CDCA2: variants seen among roughly 807,000 people sequenced by gnomAD.
The protein encoded by CDCA2 is cell division cycle-associated protein 2.
In CDCA2, 44 loss-of-function variants were observed where a neutral mutation model predicts 67.0. The observed-to-expected ratio is 0.66, with a 90% confidence interval of 0.52 to 0.84. The LOEUF (loss-of-function observed/expected upper bound fraction) is 0.84. Among genes scored for constraint, CDCA2 ranks in the 40% least tolerant of loss-of-function variants. The probability of loss-of-function intolerance (pLI) is 0.00; values close to 1 mark genes in which losing one functional copy is unlikely to be tolerated. For synonymous variants in CDCA2, 447 were observed against 418.7 expected (o/e 1.07, Z -0.82); for missense variants, 1,253 against 1,203.2 (o/e 1.04, Z -0.61).
intron 5 of CDCA2, among the ~76,000 whole-genome samples, chr8:25,467,261 A>C (rs1409583666): frequency 6.6e-6 from 1 of 152,076 alleles, no homozygotes; most frequent in Non-Finnish European, 1.5e-5. Flanking sequence ...TTACACACTA[A>C]GGTTTCAAAT....
At chr8:25,464,130 C>T (rs1395420071) in intron 4 of CDCA2, among the ~76,000 whole-genome samples, 1 of 152,112 alleles carries the variant, frequency 6.6e-6, no homozygotes, top group African/African-American at 2.4e-5. Context: ...CGGTAATTTC[C>T]CTGGCTGGGT....
chr8:25,504,258 T>C (rs899107916), intron 14 of CDCA2, among the ~76,000 whole-genome samples: 45 of 152,022 alleles, frequency 3.0e-4, no homozygotes, highest in African/African-American at 1.1e-3. Context: ...AAATTTTAAA[T>C]GGACTGAATC....
intron 13 of CDCA2, among the ~76,000 whole-genome samples, chr8:25,489,036 ACTT>A (rs1479366292): frequency 6.6e-6 from 1 of 151,956 alleles, no homozygotes; most frequent in Non-Finnish European, 1.5e-5. Context: ...GCCGCTTGCT[ACTT>A]CTTAGATTCT....
At position 25,483,959 on chromosome 8, in the gene CDCA2, A is replaced by C. The variant is rs917237541; in HGVS notation, c.1121-7A>C. 6.2e-7 allele frequency: 1 copy of C among 1,609,686 alleles called. No homozygotes were observed. On this transcript the variant is annotated splice_region_variant and splice_polypyrimidine_tract_variant and intron_variant, in intron 9 of 14. Transcript: ENST00000330560. The stretch of plus-strand genomic sequence containing the variant: ...TTAAGTTACTCTCATTTATTGTCTA[A>C]TTATAGAAGATGAAGAAAATTTTGA...
At chr8:25,460,628 G>A in intron 3 of CDCA2, 74 bp downstream of exon 3, 3 of 1,456,352 alleles carry the variant, frequency 2.1e-6, no homozygotes. Flanking sequence ...AGCTTTATTT[G>A]TTTATACGTA....
chr8:25,461,166 T>TAA (rs1420562059), intron 3 of CDCA2, among the ~76,000 whole-genome samples: 1 of 151,000 alleles, frequency 6.6e-6, no homozygotes, highest in African/African-American at 2.4e-5. Flanking sequence ...ACTCAGGAGT[T>TAA]TGAGGCAGGA....
chr8:25,507,498 C>A lies in CDCA2; in HGVS notation c.2832C>A (p.Ser944=). The A allele has an allele frequency of 6.2e-7, 1 of 1,613,780 alleles. No individual in the cohort carries two copies. Among genetic ancestry groups the A allele is most frequent in the East Asian group, 2.2e-5 (1 of 44,890 alleles). The change falls in exon 15 of 15, where the codon TCC becomes TCA. Residue 944 remains serine (S), a synonymous_variant. Coordinates refer to ENST00000330560, the MANE Select transcript of CDCA2 (RefSeq NM_152562.4). ...CTCCCATAAAAGAAACTGTGTCCTC[C>A]AGACAAAAACCGCAGATGGCACCTC... ...SMSPIKETVS[S]RQKPQMAPPV...
intron 13 of CDCA2, among the ~76,000 whole-genome samples, chr8:25,494,692 C>T (rs1473498337): frequency 6.6e-6 from 1 of 152,154 alleles, no homozygotes; most frequent in Admixed American, 6.5e-5. Context: ...AATTGTGTCC[C>T]TTCCCAAATT....
At chr8:25,504,961 A>T (rs1339299689) in intron 14 of CDCA2, among the ~76,000 whole-genome samples, 1 of 152,234 alleles carries the variant, frequency 6.6e-6, no homozygotes, top group African/African-American at 2.4e-5. Flanking sequence ...AGATGATTAA[A>T]CAGTGACTGT....
chr8:25,460,590 A>C, intron 3 of CDCA2, 36 bp downstream of exon 3: 1 of 1,575,882 alleles, frequency 6.3e-7, no homozygotes, highest in Non-Finnish European at 8.6e-7. Context: ...AATGCTTTTC[A>C]AGTTTAAAAA....
chr8:25,479,806 A>G (rs1354609551), intron 7 of CDCA2, 107 bp from the exon 8 acceptor site: 2 of 1,038,350 alleles, frequency 1.9e-6, no homozygotes, highest in Admixed American at 4.2e-5. Flanking sequence ...ATTAGGTTTG[A>G]ATTTCTTCAT....
intron 13 of CDCA2, among the ~76,000 whole-genome samples, chr8:25,493,005 A>C (rs994303463): frequency 1.3e-5 from 2 of 152,126 alleles, no homozygotes; most frequent in African/African-American, 4.8e-5. Flanking sequence ...TGTTTGTAAA[A>C]CAGTGGTGGA....
intron 7 of CDCA2, among the ~76,000 whole-genome samples, chr8:25,470,205 G>A (rs184453809): frequency 2.6e-5 from 4 of 152,308 alleles, no homozygotes; most frequent in Admixed American, 2.6e-4. Context: ...ATGGAATTTA[G>A]TATAAAGAGG....
In CDCA2 at chr8:25,488,586, A is replaced by G; in HGVS notation, c.1568A>G (p.Asn523Ser). 1.2e-6 allele frequency: 2 copies of G among 1,612,384 alleles called. No homozygotes were observed. Among genetic ancestry groups the G allele is most frequent in the South Asian group, 2.2e-5 (2 of 90,678 alleles). ...AGTGTTGTAGAAGAGAGTGTTTGCA[A>G]CTTATTGAATACAGAAGTTCAGCCT... ...LVSVVEESVC[N>S]LLNTEVQPCK... is the part of the protein sequence containing the mutation. The change falls in exon 13 of 15, where the codon AAC (asparagine) becomes AGC (serine). Residue 523 changes from asparagine to serine, a missense_variant. By Grantham distance (46) the Asn-to-Ser change is conservative. Coordinates refer to ENST00000330560, the MANE Select transcript of CDCA2 (RefSeq NM_152562.4).
chr8:25,496,923 C>A (rs1036180024), intron 13 of CDCA2, among the ~76,000 whole-genome samples: 7 of 152,090 alleles, frequency 4.6e-5, no homozygotes, highest in African/African-American at 1.7e-4. Context: ...AACACACAGA[C>A]CGAGGTGGTC....
chr8:25,464,597 G>C lies in CDCA2; in HGVS notation c.388-1578G>C, dbSNP rs567216387. On this transcript the variant is annotated intron_variant, in intron 4 of 14. Transcript: ENST00000330560. Reference sequence around the variant, plus strand: ...TGTTCTCCTTCTCCAGTAGAAAATAGAGAAAAAACAATTTTGACTAGAGAA... The same window carrying C: ...TGTTCTCCTTCTCCAGTAGAAAATACAGAAAAAACAATTTTGACTAGAGAA... 7.2e-5 allele frequency among the ~76,000 whole-genome samples: 11 copies of C among 152,248 alleles called. No homozygotes were observed. In the South Asian group the frequency reaches 2.3e-3, roughly 32 times the overall value.
At chr8:25,467,802 A>C (rs1033855057) in intron 5 of CDCA2, among the ~76,000 whole-genome samples, 4 of 152,236 alleles carry the variant, frequency 2.6e-5, no homozygotes, top group Admixed American at 2.0e-4. Context: ...ATTTAGACTT[A>C]AGCACTAGAT....
rs767170295 is a variant in CDCA2 at position 25,460,222 on chromosome 8, T to C, written c.1-18T>C. ...TTGCTGGTGGGGTTATTTTTCATTG[T>C]TTTTCTTCACCTCTTAGATGGATGC... On this transcript the variant is annotated intron_variant, in intron 1 of 14. Transcript: ENST00000330560. 6.2e-6 allele frequency: 10 copies of C among 1,613,846 alleles called. No homozygotes were observed. The East Asian group carries it at 1.3e-4, about 22-fold the overall frequency.
At position 25,484,117 on chromosome 8, in the gene CDCA2, A is replaced by G. The variant is rs1563272600; in HGVS notation, c.1272A>G (p.Lys424=). The G allele has an allele frequency of 6.2e-7, 1 of 1,614,110 alleles. No individual in the cohort carries two copies. Among genetic ancestry groups the G allele is most frequent in the Non-Finnish European group, 8.5e-7 (1 of 1,180,050 alleles). Residue 424 remains lysine, a synonymous_variant, in exon 10 of 15, where the codon AAA becomes AAG. Coordinates refer to ENST00000330560, the MANE Select transcript of CDCA2 (RefSeq NM_152562.4). The part of the protein sequence containing the change: ...LRKGGTPVCK[K]DFSGLSSLLL... Reference sequence around the variant, plus strand: ...AAGGAGGAACACCTGTTTGTAAAAAAGACTTCAGTGGTCTCAGTTCCCTGC... The same window carrying G: ...AAGGAGGAACACCTGTTTGTAAAAAGGACTTCAGTGGTCTCAGTTCCCTGC...
Sources: gnomAD v4.1 joint callset for allele counts (sites outside exome capture counted in the v4.1 genomes callset) on GRCh38, gnomAD v4.1.1 for gene constraint, MANE v1.5 for transcripts, NCBI Gene and HGNC (gene_info 2026-07-23, HGNC 2026-07-21) for gene names.